RPSA2: variants seen among roughly 807,000 people sequenced by gnomAD.
The protein encoded by RPSA2 is small ribosomal subunit protein uS2B.
chr19:23,783,183 C>T, the RPSA2 span, among the ~76,000 whole-genome samples: 1 of 152,136 alleles, frequency 6.6e-6, no homozygotes, highest in Middle Eastern at 3.4e-3. Context: ...ACAACCTCCA[C>T]CTCTCAGGTT....
the RPSA2 span, among the ~76,000 whole-genome samples, chr19:23,821,503 C>CCT: frequency 1.3e-5 from 2 of 152,204 alleles, no homozygotes; most frequent in Non-Finnish European, 2.9e-5. Flanking sequence ...TTCTTCCCTG[C>CCT]CTCCCCCACT....
At chr19:23,829,414 G>A in the RPSA2 span, among the ~76,000 whole-genome samples, 1 of 152,132 alleles carries the variant, frequency 6.6e-6, no homozygotes, top group Non-Finnish European at 1.5e-5. Context: ...CAATTTACCT[G>A]CCTCAACCTC....
At chr19:23,778,452 T>G in the RPSA2 span, among the ~76,000 whole-genome samples, 148,915 of 152,244 alleles carry the variant, frequency 0.98, 72,923 homozygotes, top group Middle Eastern at 1. Context: ...GACCTCAGGT[T>G]ATCTGCCCAC....
At chr19:23,838,510 T>A in the RPSA2 span, among the ~76,000 whole-genome samples, 4 of 152,174 alleles carry the variant, frequency 2.6e-5, no homozygotes, top group Non-Finnish European at 5.9e-5. Flanking sequence ...TTCTTTGAAT[T>A]TCTGGTAGAA....
chr19:23,832,380 G>A, the RPSA2 span: 2 of 499,398 alleles, frequency 4.0e-6, no homozygotes, highest in Non-Finnish European at 8.2e-6. Flanking sequence ...ATACTAGACA[G>A]AAACCCTACA....
the RPSA2 span, among the ~76,000 whole-genome samples, chr19:23,774,405 G>C: frequency 6.6e-6 from 1 of 152,110 alleles, no homozygotes; most frequent in Non-Finnish European, 1.5e-5. Context: ...ACTTGGCTCC[G>C]TACCAAACAA....
the RPSA2 span, among the ~76,000 whole-genome samples, chr19:23,776,372 G>A: frequency 2.0e-5 from 3 of 152,088 alleles, no homozygotes; most frequent in Admixed American, 6.6e-5. Context: ...TTGCACCCAG[G>A]GGATGGGAGT....
the RPSA2 span, among the ~76,000 whole-genome samples, chr19:23,870,482 G>A: frequency 6.6e-6 from 1 of 151,840 alleles, no homozygotes; most frequent in African/African-American, 2.4e-5. Flanking sequence ...CCCATTTGCA[G>A]GGAGCTTTCA....
chr19:23,777,226 A>G, the RPSA2 span, among the ~76,000 whole-genome samples: 1 of 152,180 alleles, frequency 6.6e-6, no homozygotes, highest in Non-Finnish European at 1.5e-5. Flanking sequence ...AAAGTTTGAT[A>G]TATTGCTTGG....
At chr19:23,808,551 C>G in the RPSA2 span, among the ~76,000 whole-genome samples, 1 of 152,048 alleles carries the variant, frequency 6.6e-6, no homozygotes, top group Non-Finnish European at 1.5e-5. Flanking sequence ...GCCACTGCGC[C>G]TGACCAATAA....
At chr19:23,846,050 T>C in the RPSA2 span, among the ~76,000 whole-genome samples, 1 of 152,182 alleles carries the variant, frequency 6.6e-6, no homozygotes, top group African/African-American at 2.4e-5. Flanking sequence ...ATAGAGATAT[T>C]GTGTTACCTA....
At chr19:23,863,404 A>T in the RPSA2 span, among the ~76,000 whole-genome samples, 3 of 152,236 alleles carry the variant, frequency 2.0e-5, no homozygotes, top group East Asian at 5.8e-4. Flanking sequence ...TCTCTGCTAC[A>T]AATACAACAA....
At chr19:23,856,524 T>C in the RPSA2 span, among the ~76,000 whole-genome samples, 148,823 of 152,222 alleles carry the variant, frequency 0.98, 72,848 homozygotes, top group Middle Eastern at 1. Context: ...GCCGAACAAG[T>C]GTTTCTGTGG....
the RPSA2 span, among the ~76,000 whole-genome samples, chr19:23,778,640 G>A: frequency 1.3e-5 from 2 of 151,658 alleles, no homozygotes; most frequent in Non-Finnish European, 2.9e-5. Flanking sequence ...GTGACTTACC[G>A]CTAGGCTCAA....
At chr19:23,821,299 T>A in the RPSA2 span, among the ~76,000 whole-genome samples, 9 of 152,330 alleles carry the variant, frequency 5.9e-5, no homozygotes, top group Non-Finnish European at 1.3e-4. Context: ...TCCAACTGCC[T>A]GGATAAGTAT....
the RPSA2 span, among the ~76,000 whole-genome samples, chr19:23,828,936 GACACACACACAC>G: frequency 6.7e-5 from 10 of 148,278 alleles, no homozygotes; most frequent in Non-Finnish European, 1.3e-4. Context: ...CCTAATGTGA[GACACACACACAC>G]ACACACACAC....
chr19:23,780,527 C>T, the RPSA2 span, among the ~76,000 whole-genome samples: 1 of 152,098 alleles, frequency 6.6e-6, no homozygotes, highest in Non-Finnish European at 1.5e-5. Flanking sequence ...CCTGTAGTCC[C>T]AGCCACTTGG....
the RPSA2 span, among the ~76,000 whole-genome samples, chr19:23,823,544 C>A: frequency 6.6e-6 from 1 of 152,124 alleles, no homozygotes; most frequent in Non-Finnish European, 1.5e-5. Flanking sequence ...AGTCACACAC[C>A]GTCCTACTCC....
the RPSA2 span, among the ~76,000 whole-genome samples, chr19:23,863,366 C>A: frequency 6.6e-6 from 1 of 152,070 alleles, no homozygotes; most frequent in African/African-American, 2.4e-5. Flanking sequence ...GAGTTCAAGA[C>A]CAGCCTGGCC....
Sources: allele counts gnomAD v4.1 joint callset (sites outside exome capture counted in the v4.1 genomes callset), GRCh38; gene constraint gnomAD v4.1.1; transcripts MANE v1.5; gene names NCBI Gene and HGNC (gene_info 2026-07-23, HGNC 2026-07-21).